Variants in TRPM3 observed in about 807,000 individuals in gnomAD.
The protein encoded by TRPM3 is long transient receptor potential channel 3.
TRPM3 carries 77 observed loss-of-function variants against 181.2 expected under a neutral mutation model. That is an observed-to-expected ratio of 0.42 (90% CI 0.35 to 0.51). The LOEUF is 0.51. Among genes scored for constraint, TRPM3 ranks in the 20% least tolerant of loss-of-function variants. The pLI is 0.01. For missense variants in TRPM3, 1,759 were observed against 2,196.7 expected (o/e 0.80, Z 3.98); for synonymous variants, 745 against 796.4 (o/e 0.94, Z 1.09).
intron 8 of TRPM3, among the ~76,000 whole-genome samples, chr9:70,743,530 C>T (rs566233819): frequency 6.6e-6 from 1 of 152,152 alleles, no homozygotes; most frequent in South Asian, 2.1e-4. Flanking sequence ...TTGGGAAGCA[C>T]AGCGAGGGTA....
intron 3 of TRPM3, among the ~76,000 whole-genome samples, chr9:70,857,316 G>C (rs1363888167): frequency 6.6e-6 from 1 of 150,568 alleles, no homozygotes; most frequent in Non-Finnish European, 1.5e-5. Flanking sequence ...ATTTTTCTCT[G>C]TCAAGGGCTG....
In TRPM3 at chr9:70,531,197, G is replaced by A. The variant is rs1384190586; in HGVS notation, c.*4756C>T. 6.6e-6 allele frequency: 1 copy of A among 152,128 alleles called. No homozygotes were observed. The highest frequency in any genetic ancestry group is 1.5e-5 in the Non-Finnish European group (1 of 68,024). 9.4% of individuals were successfully genotyped at this position (152,128 alleles called of 1,614,324 possible). On this transcript the variant is annotated 3_prime_UTR_variant, in exon 26 of 26. Coordinates refer to ENST00000677713, the MANE Select transcript of TRPM3 (RefSeq NM_001366145.2). ...ACAGATGCACAACACCTAGACCTTGGCAGACCCAAGAGGTGTTGGCTTGCC... is the reference window on the plus strand; with the variant it reads ...ACAGATGCACAACACCTAGACCTTGACAGACCCAAGAGGTGTTGGCTTGCC...
intron 1 of TRPM3, among the ~76,000 whole-genome samples, chr9:71,173,270 A>G (rs2076952191): frequency 6.6e-6 from 1 of 152,128 alleles, no homozygotes; most frequent in South Asian, 2.1e-4. Flanking sequence ...ATATAATTAT[A>G]TATATTAACA....
At chr9:71,247,922 A>C (rs2082129514) in intron 1 of TRPM3, among the ~76,000 whole-genome samples, 1 of 152,216 alleles carries the variant, frequency 6.6e-6, no homozygotes, top group African/African-American at 2.4e-5. Flanking sequence ...AGGCCTTAAA[A>C]TAGGTGTAAT....
chr9:71,347,029 G>C (rs2091339590), intron 1 of TRPM3, among the ~76,000 whole-genome samples: 2 of 152,184 alleles, frequency 1.3e-5, no homozygotes, highest in East Asian at 3.8e-4. Flanking sequence ...TCCCAAAAGG[G>C]GAGGGAGCTT....
At chr9:71,377,842 T>C (rs2092702764) in intron 1 of TRPM3, among the ~76,000 whole-genome samples, 1 of 152,092 alleles carries the variant, frequency 6.6e-6, no homozygotes, top group African/African-American at 2.4e-5. Flanking sequence ...ATGTACTATT[T>C]TGTGTCTAGA....
intron 22 of TRPM3, among the ~76,000 whole-genome samples, chr9:70,587,931 G>A (rs1272974665): frequency 6.6e-6 from 1 of 152,206 alleles, no homozygotes; most frequent in African/African-American, 2.4e-5. Context: ...TTTCCGGGTA[G>A]AGCGGACAGT....
intron 1 of TRPM3, among the ~76,000 whole-genome samples, chr9:71,160,533 C>G (rs140738840): frequency 6.6e-6 from 1 of 152,154 alleles, no homozygotes; most frequent in Non-Finnish European, 1.5e-5. Flanking sequence ...CCTTCTCACT[C>G]TTTCTAATCT....
chr9:70,832,425 C>T (rs1295273541), intron 5 of TRPM3, among the ~76,000 whole-genome samples: 1 of 152,132 alleles, frequency 6.6e-6, no homozygotes, highest in Non-Finnish European at 1.5e-5. Context: ...TTTCTTGTCC[C>T]TTAAGAGTAA....
intron 1 of TRPM3, among the ~76,000 whole-genome samples, chr9:71,403,221 T>C (rs2093373991): frequency 6.6e-6 from 1 of 152,184 alleles, no homozygotes; most frequent in East Asian, 1.9e-4. Flanking sequence ...ATTAGTCCTT[T>C]AAGAACTGTC....
intron 3 of TRPM3, among the ~76,000 whole-genome samples, chr9:70,859,272 T>A (rs941943924): frequency 6.6e-6 from 1 of 152,218 alleles, no homozygotes. Context: ...CAGAGCCATG[T>A]GGAGCCTCAG....
intron 8 of TRPM3, among the ~76,000 whole-genome samples, chr9:70,746,345 G>C (rs1055218048): frequency 6.6e-6 from 1 of 152,126 alleles, no homozygotes; most frequent in African/African-American, 2.4e-5. Context: ...CTATTAAGGG[G>C]TAGGTAGATA....
chr9:70,613,401 C>T (rs543580448), intron 18 of TRPM3, among the ~76,000 whole-genome samples: 3 of 152,306 alleles, frequency 2.0e-5, no homozygotes, highest in Non-Finnish European at 2.9e-5. Flanking sequence ...TTGATATTTT[C>T]GTGTGTCGTT....
At chr9:71,046,100 T>A (rs2059402400) in intron 1 of TRPM3, among the ~76,000 whole-genome samples, 1 of 151,828 alleles carries the variant, frequency 6.6e-6, no homozygotes, top group Non-Finnish European at 1.5e-5. Flanking sequence ...CAAGCAATTC[T>A]CTGCCTCAGC....
chr9:71,303,400 A>AT (rs201180134), intron 1 of TRPM3, among the ~76,000 whole-genome samples: 149 of 152,220 alleles, frequency 9.8e-4, no homozygotes, highest in African/African-American at 3.1e-3. Context: ...GGTTACAGTG[A>AT]TTTTTTTTAG....
chr9:71,121,344 G>A lies in TRPM3; in HGVS notation c.11C>T (p.Pro4Leu), dbSNP rs761884852. 3 of 1,613,664 alleles carry A rather than the reference G, an allele frequency of 1.9e-6. No homozygotes were observed. The highest frequency in any genetic ancestry group is 2.2e-5 in the South Asian group (2 of 91,022). MPE[P>L]WGTVYFLGIA... The stretch of plus-strand genomic sequence containing the variant: ...GCCTAGAAAATAAACGGTCCCCCAC[G>A]GCTCTGGCATCCCATGGTCATCTCC... The change falls in exon 1 of 26, where the codon CCG (proline) becomes CTG (leucine). Residue 4 changes from proline to leucine, a missense_variant. By Grantham distance (98) the Pro-to-Leu change is moderately conservative (BLOSUM62 -3). Around this residue, in one of 8 missense-constraint regions of TRPM3, gnomAD observed 737 missense variants for 957.4 expected, o/e 0.77. Coordinates refer to ENST00000677713, the MANE Select transcript of TRPM3 (RefSeq NM_001366145.2).
At chr9:71,444,934 C>A (rs2094183736) in intron 1 of TRPM3, among the ~76,000 whole-genome samples, 1 of 152,194 alleles carries the variant, frequency 6.6e-6, no homozygotes, top group South Asian at 2.1e-4. Flanking sequence ...TAAGCACAGG[C>A]TTTTGCCTTA....
At chr9:71,006,937 G>A (rs1328179787) in intron 1 of TRPM3, among the ~76,000 whole-genome samples, 2 of 148,014 alleles carry the variant, frequency 1.4e-5, no homozygotes, top group African/African-American at 5.0e-5. Context: ...TACTCAGGAG[G>A]CTGAGGCAAG....
intron 9 of TRPM3, among the ~76,000 whole-genome samples, chr9:70,659,790 C>T (rs1387507999): frequency 6.6e-6 from 1 of 152,106 alleles, no homozygotes; most frequent in African/African-American, 2.4e-5. Context: ...TTTGGAGTCA[C>T]AAAAACTAAG....
Sources: gnomAD v4.1 joint callset for allele counts (sites outside exome capture counted in the v4.1 genomes callset) on GRCh38, gnomAD v4.1.1 for gene constraint, gnomAD v4.1.1 regional missense constraint, MANE v1.5 for transcripts, NCBI Gene and HGNC (gene_info 2026-07-23, HGNC 2026-07-21) for gene names.